PPP1CB: variants seen among roughly 807,000 people sequenced by gnomAD.
PPP1CB encodes the protein protein phosphatase 1 catalytic subunit beta.
In PPP1CB, 2 loss-of-function variants were observed where a neutral mutation model predicts 43.7. That is an observed-to-expected ratio of 0.05 (90% CI 0.02 to 0.14). The LOEUF (loss-of-function observed/expected upper bound fraction) is 0.14, where lower values mean the gene tolerates loss of function less well. Ranked by LOEUF, PPP1CB falls within the 10% of genes least tolerant of loss-of-function variation. PPP1CB has a pLI of 1.00. For missense variants in PPP1CB, 84 were observed against 398.0 expected, an observed-to-expected ratio of 0.21 and a Z score of 6.71; for synonymous variants, 136 against 135.6, an observed-to-expected ratio of 1.00 and a Z score of -0.02.
chr2:28,770,517 A>G (rs1207868595), intron 1 of PPP1CB, among the ~76,000 whole-genome samples: 4 of 152,140 alleles, frequency 2.6e-5, no homozygotes, highest in South Asian at 4.1e-4. Flanking sequence ...GCATTATATA[A>G]TGCTAAAAGG....
At position 28,761,189 on chromosome 2, in the gene PPP1CB, C is replaced by T. The variant is rs75718721; in HGVS notation, c.52+9013C>T. 3.9e-3 allele frequency among the ~76,000 whole-genome samples: 587 copies of T among 152,214 alleles called. 3 individuals carry two copies. Among genetic ancestry groups the T allele is most frequent in the African/African-American group, 0.013 (549 of 41,516 alleles). On this transcript the variant is annotated intron_variant, in intron 1 of 7. Transcript: ENST00000395366. ...ACTGGGGTGAGCCACCGCGCCCGGC[C>T]GAGACCAGACTTCTGAGGGGGAGAA...
chr2:28,753,148 C>T (rs540713792), intron 1 of PPP1CB, among the ~76,000 whole-genome samples: 1 of 152,228 alleles, frequency 6.6e-6, no homozygotes, highest in East Asian at 1.9e-4. Context: ...CTAAAGTTTT[C>T]GTCATCAATA....
chr2:28,792,099 GGGA>G (rs1667399876), intron 6 of PPP1CB, among the ~76,000 whole-genome samples: 2 of 152,118 alleles, frequency 1.3e-5, no homozygotes, highest in Admixed American at 1.3e-4. Context: ...CCAGCATTTT[GGGA>G]GGCTGAGGCG....
chr2:28,794,389 ATAAAG>A (rs1447690756), intron 7 of PPP1CB, among the ~76,000 whole-genome samples: 1 of 152,148 alleles, frequency 6.6e-6, no homozygotes, highest in Non-Finnish European at 1.5e-5. Context: ...TCAGATGAAA[ATAAAG>A]TAAAATAGTT....
In PPP1CB at chr2:28,802,562, A is replaced by G. The variant is rs1667644216; in HGVS notation, c.*3259A>G. 1 of 152,216 alleles carries G rather than the reference A, an allele frequency of 6.6e-6. No homozygotes were observed. The highest frequency in any genetic ancestry group is 2.4e-5 in the African/African-American group (1 of 41,444). 9.4% of individuals were successfully genotyped at this position (152,216 alleles called of 1,614,324 possible). A position where few individuals can be genotyped will look rare whatever the true frequency, so the allele number is the denominator to read the frequency against. ...CTTAAAACAGCTGAAAATTGGGACA[A>G]CATACTTTACGCAATGAACAGTAGT... On this transcript the variant is annotated 3_prime_UTR_variant, in exon 8 of 8. Coordinates refer to ENST00000395366, the MANE Select transcript of PPP1CB (RefSeq NM_002709.3).
intron 6 of PPP1CB, among the ~76,000 whole-genome samples, chr2:28,791,176 T>A (rs1329995809): frequency 6.6e-6 from 1 of 152,192 alleles, no homozygotes; most frequent in Non-Finnish European, 1.5e-5. Context: ...GCTGCCTCTT[T>A]CTTTGATCCT....
At chr2:28,765,111 G>A (rs1355289318) in intron 1 of PPP1CB, among the ~76,000 whole-genome samples, 2 of 152,070 alleles carry the variant, frequency 1.3e-5, no homozygotes, top group East Asian at 3.9e-4. Context: ...TTGGATATGT[G>A]CGTTGGAAAG....
rs1667513540 is a variant in PPP1CB, at chr2:28,797,182, T to C, written c.880-2017T>C. Reference sequence around the variant, plus strand: ...TGCTGGATTCGGTTTTAGTATTTTGTTGACGATTTTGCATCTGTGTTCATC... The same window carrying C: ...TGCTGGATTCGGTTTTAGTATTTTGCTGACGATTTTGCATCTGTGTTCATC... On this transcript the variant is annotated intron_variant, in intron 7 of 7. Transcript: ENST00000395366. Among the ~76,000 whole-genome samples, 3 of 152,298 alleles carry C rather than the reference T, an allele frequency of 2.0e-5. No homozygotes were observed. In the South Asian group the frequency reaches 6.2e-4, roughly 32 times the overall value.
chr2:28,752,317 C>G (rs763732912), intron 1 of PPP1CB, 141 bp downstream of exon 1: 14 of 818,202 alleles, frequency 1.7e-5, no homozygotes, highest in Non-Finnish European at 2.4e-5. Context: ...GCGGACGAAC[C>G]GAGGAGGGGG....
At chr2:28,752,337 T>C (rs1666325546) in intron 1 of PPP1CB, among the ~76,000 whole-genome samples, 161 bp downstream of exon 1, 1 of 151,822 alleles carries the variant, frequency 6.6e-6, no homozygotes. Context: ...GCGAGGAGGC[T>C]CTGGGCGCGG....
At chr2:28,779,744 T>A (rs1163150462) in intron 3 of PPP1CB, among the ~76,000 whole-genome samples, 1 of 152,226 alleles carries the variant, frequency 6.6e-6, no homozygotes, top group Non-Finnish European at 1.5e-5. Flanking sequence ...CTACTTTTGC[T>A]TTTTTTCAAT....
chr2:28,790,732 G>A (rs1667367990), intron 6 of PPP1CB, among the ~76,000 whole-genome samples: 1 of 152,062 alleles, frequency 6.6e-6, no homozygotes, highest in Admixed American at 6.5e-5. Context: ...AGTGTGTAGA[G>A]GTAAAATGAC....
At chr2:28,751,769 C>CAAGGGACGTGCGGAGT, upstream of PPP1CB, 1 of 345,536 alleles carries the variant, frequency 2.9e-6, no homozygotes, top group South Asian at 2.5e-5. Context: ...CGGCGGCGCG[C>CAAGGGACGTGCGGAGT]AAGGGACGTG....
At chr2:28,792,340 C>T (rs759665210) in intron 6 of PPP1CB, among the ~76,000 whole-genome samples, 4 of 149,488 alleles carry the variant, frequency 2.7e-5, no homozygotes, top group Non-Finnish European at 5.9e-5. Flanking sequence ...AACTCCATCT[C>T]GAAAAAAAAA....
intron 1 of PPP1CB, among the ~76,000 whole-genome samples, chr2:28,752,413 C>G (rs947006725): frequency 1.3e-5 from 2 of 152,050 alleles, no homozygotes; most frequent in African/African-American, 4.8e-5. Flanking sequence ...CGCGGACCCT[C>G]GGGGGCCAGG....
chr2:28,793,064 G>A (rs1442714462), intron 6 of PPP1CB, among the ~76,000 whole-genome samples: 2 of 152,070 alleles, frequency 1.3e-5, no homozygotes, highest in Non-Finnish European at 2.9e-5. Context: ...AAATTCATCG[G>A]GCTTGCTGGT....
chr2:28,787,760 T>TTA (rs1329118185), intron 5 of PPP1CB, among the ~76,000 whole-genome samples: 3 of 152,212 alleles, frequency 2.0e-5, no homozygotes, highest in Non-Finnish European at 2.9e-5. Context: ...CAATACCTAA[T>TTA]GTTCATTCTC....
At position 28,787,825 on chromosome 2, in the gene PPP1CB, T is replaced by C. The variant is rs147318860; in HGVS notation, c.593-833T>C. On this transcript the variant is annotated intron_variant, in intron 5 of 7. Transcript: ENST00000395366. ...ATTCCTCAGAATTCATTTGCTGGTC[T>C]TCTCACTTTGTATTCCTAAGGTGGT... 2.6e-3 allele frequency among the ~76,000 whole-genome samples: 389 copies of C among 152,336 alleles called. 4 individuals carry two copies. Among genetic ancestry groups the C allele is most frequent in the African/African-American group, 9.0e-3 (374 of 41,582 alleles).
At chr2:28,771,013 G>A (rs1666896833) in intron 1 of PPP1CB, among the ~76,000 whole-genome samples, 1 of 143,480 alleles carries the variant, frequency 7.0e-6, no homozygotes, top group Non-Finnish European at 1.5e-5. Flanking sequence ...TACCAATTCT[G>A]TCTAGACTTA....
Sources: allele counts gnomAD v4.1 joint callset (sites outside exome capture counted in the v4.1 genomes callset), GRCh38; gene constraint gnomAD v4.1.1; transcripts MANE v1.5; gene names NCBI Gene and HGNC (gene_info 2026-07-23, HGNC 2026-07-21).